Variants in ZEB2 observed in about 807,000 individuals in gnomAD.
ZEB2 encodes zinc finger E-box binding homeobox 2, also known as zinc finger E-box-binding homeobox 2.
A neutral mutation model predicts 99.9 loss-of-function variants in ZEB2; 6 were observed. That is an observed-to-expected ratio of 0.06 (90% confidence interval 0.03 to 0.12). ZEB2 has a LOEUF of 0.12. Among genes scored for constraint, ZEB2 ranks in the 10% least tolerant of loss-of-function variants. ZEB2 has a pLI of 1.00. For synonymous variants in ZEB2, 517 were observed against 542.5 expected (o/e 0.95, Z 0.65); for missense variants, 969 against 1,502.8 (o/e 0.64, Z 5.87).
In ZEB2 at chr2:144,387,085, T is replaced by C. The variant is rs994112969; in HGVS notation, c.*2366A>G. On this transcript the variant is annotated 3_prime_UTR_variant, in exon 10 of 10. Transcript: ENST00000627532. Reference sequence around the variant, plus strand: ...TATACACACACACACATACACACTTTCTATTGAGTTTCAAGTTGCAAAGAA... The same window carrying C: ...TATACACACACACACATACACACTTCCTATTGAGTTTCAAGTTGCAAAGAA... The C allele has an allele frequency of 6.6e-6, 1 of 150,822 alleles. No homozygotes were observed. The highest frequency in any genetic ancestry group is 2.4e-5 in the African/African-American group (1 of 40,978). The allele number at this position is 150,822 out of a possible 1,614,324, so 9.3% of individuals were successfully genotyped here. A position where few individuals can be genotyped will look rare whatever the true frequency, so the allele number is the denominator to read the frequency against.
At chr2:144,445,780 A>G (rs532179227) in intron 2 of ZEB2, among the ~76,000 whole-genome samples, 50 of 152,270 alleles carry the variant, frequency 3.3e-4, no homozygotes, top group African/African-American at 1.1e-3. Flanking sequence ...GAAAATTCCT[A>G]AAGAATTTTA....
intron 2 of ZEB2, among the ~76,000 whole-genome samples, chr2:144,480,919 G>A (rs563954911): frequency 1.3e-5 from 2 of 152,194 alleles, no homozygotes; most frequent in East Asian, 3.9e-4. Context: ...TCTAGAAGTA[G>A]AAAAGATTTT....
intron 4 of ZEB2, among the ~76,000 whole-genome samples, chr2:144,416,159 C>A (rs931265641): frequency 1.3e-5 from 2 of 152,188 alleles, no homozygotes; most frequent in African/African-American, 2.4e-5. Flanking sequence ...TCCCTTGAAA[C>A]GTGTACTTCA....
At chr2:144,475,925 C>A (rs1704423227) in intron 2 of ZEB2, among the ~76,000 whole-genome samples, 1 of 152,126 alleles carries the variant, frequency 6.6e-6, no homozygotes. Flanking sequence ...AATAAATAGA[C>A]ACCAAACTGT....
chr2:144,455,191 A>G (rs955783024), intron 2 of ZEB2: 2 of 152,190 alleles, frequency 1.3e-5, no homozygotes, highest in Non-Finnish European at 2.9e-5. Context: ...TAGAAATTAC[A>G]TTCTGCTCTG....
At chr2:144,471,601 G>A (rs150352865) in intron 2 of ZEB2, among the ~76,000 whole-genome samples, 1 of 151,756 alleles carries the variant, frequency 6.6e-6, no homozygotes, top group East Asian at 1.9e-4. Flanking sequence ...TAATGGTGTG[G>A]CTTTCTAAAA....
chr2:144,394,376 A>T (rs1221697334), intron 9 of ZEB2: 1 of 152,234 alleles, frequency 6.6e-6, no homozygotes, highest in Non-Finnish European at 1.5e-5. Context: ...TCACTAAAAT[A>T]AAAGTTGTAC....
intron 2 of ZEB2, chr2:144,504,614 C>T (rs571507940): frequency 2.0e-5 from 3 of 152,224 alleles, no homozygotes; most frequent in Admixed American, 2.0e-4. Flanking sequence ...CGATTTTGCA[C>T]CATCGGGAAA....
At chr2:144,483,117 GACACACACAC>G (rs70985858) in intron 2 of ZEB2, among the ~76,000 whole-genome samples, 134 of 130,758 alleles carry the variant, frequency 1.0e-3, no homozygotes, top group South Asian at 1.6e-3. Flanking sequence ...GTTTAGGTAA[GACACACACAC>G]ACACACACAC....
intron 2 of ZEB2, among the ~76,000 whole-genome samples, chr2:144,459,963 G>GTT (rs1397527859): frequency 6.6e-6 from 1 of 152,140 alleles, no homozygotes; most frequent in East Asian, 1.9e-4. Context: ...ACTGGGTCCC[G>GTT]TAAGGAGAGA....
chr2:144,480,417 A>T (rs571727948), intron 2 of ZEB2, among the ~76,000 whole-genome samples: 27 of 152,296 alleles, frequency 1.8e-4, no homozygotes, highest in African/African-American at 6.5e-4. Context: ...TAGACAGAAA[A>T]GCATTTGGAG....
At chr2:144,464,070 T>A (rs7605612) in intron 2 of ZEB2, 41,867 of 152,078 alleles carry the variant, frequency 0.28, 7,139 homozygotes, top group African/African-American at 0.47. Flanking sequence ...TAGAACCTTG[T>A]AGCTCGATAA....
At chr2:144,504,083 A>AC (rs1312801505) in intron 2 of ZEB2, 1 of 119,540 alleles carries the variant, frequency 8.4e-6, no homozygotes, top group Non-Finnish European at 1.7e-5. Flanking sequence ...CAATTAGAAA[A>AC]AAAAAAAAAA....
rs1267261033 is a variant in ZEB2, at chr2:144,399,775, A to G, written c.1412T>C (p.Val471Ala). The G allele has an allele frequency of 6.2e-7, 1 of 1,613,886 alleles. No homozygotes were observed. The highest frequency in any genetic ancestry group is 1.1e-5 in the South Asian group (1 of 91,038). ...QKVLQIVDNT[V>A]SRQKMDCKAE... is the part of the protein sequence containing the mutation. Reference sequence around the variant, plus strand: ...CTTGCAGTCCATTTTTTGCCTGGAAACAGTATTGTCCACAATCTGTAGAAC... The same window carrying G: ...CTTGCAGTCCATTTTTTGCCTGGAAGCAGTATTGTCCACAATCTGTAGAAC... Residue 471 changes from valine to alanine, a missense_variant, in exon 8 of 10, where the codon GTT becomes GCT. This residue lies in a region of ZEB2 where 227 missense variants were observed against 278.2 expected (regional missense o/e 0.82). Coordinates refer to ENST00000627532, the MANE Select transcript of ZEB2 (RefSeq NM_014795.4). This position sits in a 1 kb window ranked among gnomAD's most constrained non-coding sequence, Gnocchi z 5.6.
intron 2 of ZEB2, among the ~76,000 whole-genome samples, chr2:144,487,638 C>T (rs1318139956): frequency 6.6e-6 from 1 of 152,084 alleles, no homozygotes; most frequent in Non-Finnish European, 1.5e-5. Context: ...ACTAGGTTTT[C>T]AAATGCAGTA....
intron 2 of ZEB2, among the ~76,000 whole-genome samples, chr2:144,488,340 C>T (rs1464495854): frequency 1.3e-5 from 2 of 152,182 alleles, no homozygotes; most frequent in Non-Finnish European, 2.9e-5. Context: ...GATTTAAATA[C>T]AGTGGAACCC....
chr2:144,386,226 C>G lies in ZEB2; in HGVS notation c.*3225G>C, dbSNP rs115262663. 3 of 152,208 alleles carry G rather than the reference C, an allele frequency of 2.0e-5. No individual in the cohort carries two copies. Among genetic ancestry groups the G allele is most frequent in the African/African-American group, 7.2e-5 (3 of 41,522 alleles). The allele number at this position is 152,208 out of a possible 1,614,324, so 9.4% of individuals were successfully genotyped here. ...AAGTAGTTGATAAAACAGAAGAACA[C>G]ATCTGATGTTACTAAAATGCACATC... On this transcript the variant is annotated 3_prime_UTR_variant, in exon 10 of 10. Transcript: ENST00000627532.
intron 2 of ZEB2, chr2:144,450,047 A>C (rs989068771): frequency 2.0e-5 from 3 of 152,202 alleles, no homozygotes; most frequent in Non-Finnish European, 4.4e-5. Context: ...TTCCAGTGGT[A>C]GGTATACCTG....
In ZEB2 at chr2:144,485,612, T is replaced by C. The variant is rs531479860; in HGVS notation, c.73+31666A>G. Among the ~76,000 whole-genome samples the C allele has an allele frequency of 2.0e-5, 3 of 152,148 alleles. No individual in the cohort carries two copies. In the South Asian group the frequency reaches 6.2e-4, roughly 32 times the overall value. On this transcript the variant is annotated intron_variant, in intron 2 of 9. Transcript: ENST00000627532. ...ATCTAATGCTGCCTTCTCTCTTCCT[T>C]TTCTTTTATTTCTTTATTTATTTTT...
Sources: allele counts gnomAD v4.1 joint callset (sites outside exome capture counted in the v4.1 genomes callset), GRCh38; gene constraint gnomAD v4.1.1; regional missense constraint gnomAD v4.1.1; non-coding constraint Gnocchi (gnomAD v3.1); transcripts MANE v1.5; gene names NCBI Gene and HGNC (gene_info 2026-07-23, HGNC 2026-07-21).